Variants in FYN observed in about 807,000 individuals in gnomAD.
FYN encodes tyrosine-protein kinase Fyn.
Under a neutral mutation model 70.2 loss-of-function variants are expected in FYN, and 10 were observed. The observed-to-expected ratio is 0.14, with a 90% CI of 0.09 to 0.24. FYN has a LOEUF of 0.24. Ranked by LOEUF, FYN falls within the 10% of genes least tolerant of loss-of-function variation. The pLI is 1.00. For synonymous variants in FYN, 236 were observed against 248.6 expected, an observed-to-expected ratio of 0.95 and a Z score of 0.48; for missense variants, 319 against 673.1, an observed-to-expected ratio of 0.47 and a Z score of 5.82.
chr6:111,720,182 G>A, intron 3 of FYN, 120 bp from the exon 4 acceptor site: 1 of 1,179,532 alleles, frequency 8.5e-7, no homozygotes, highest in Non-Finnish European at 1.2e-6. Context: ...CCTATTAGGG[G>A]GCATGAGGAA....
At chr6:111,779,121 A>ATTTTTTTTTTTT (rs397934539) in intron 3 of FYN, among the ~76,000 whole-genome samples, 1 of 91,494 alleles carries the variant, frequency 1.1e-5, no homozygotes, top group African/African-American at 4.2e-5. Context: ...AGTAGGAGAC[A>ATTTTTTTTTTTT]TTTTTTTTTT....
chr6:111,863,404 C>T (rs1774018824), intron 1 of FYN, among the ~76,000 whole-genome samples: 1 of 152,264 alleles, frequency 6.6e-6, no homozygotes, highest in South Asian at 2.1e-4. Flanking sequence ...ATTGTTATTG[C>T]TTCTAAATAG....
At position 111,707,986 on chromosome 6, in the gene FYN, T is replaced by C. The variant is rs1459480269; in HGVS notation, c.379A>G (p.Thr127Ala). ...CTGGGAATGTAACCTGTCTCTCCAG[T>C]TGTCAAGGAGCGGGCTTCCCACCAA... ...GDWWEARSLTTGETGYIPSNY... is the reference protein window; with the variant it reads ...GDWWEARSLTAGETGYIPSNY... Residue 127 changes from threonine to alanine, a missense_variant, in exon 6 of 14, where the codon ACT becomes GCT. Coordinates refer to ENST00000354650, the MANE Select transcript of FYN (RefSeq NM_002037.5). 3 of 1,614,060 alleles carry C rather than the reference T, an allele frequency of 1.9e-6. No individual in the cohort carries two copies. In the Admixed American group the frequency reaches 5.0e-5, roughly 27 times the overall value.
At chr6:111,730,085 CCTT>C (rs952382018) in intron 3 of FYN, among the ~76,000 whole-genome samples, 2 of 152,126 alleles carry the variant, frequency 1.3e-5, no homozygotes, top group African/African-American at 4.8e-5. Context: ...AGAGGCAACT[CCTT>C]CTAGAAGGTG....
rs558697589 is a variant in FYN, at chr6:111,866,320, T to C, written c.-123+6648A>G. On this transcript the variant is annotated intron_variant, in intron 1 of 13. Transcript: ENST00000354650. ...GCTGGAAAGGGTCAAACCCGGACCCTACCCCAACCTCATGCTTTTGTTTTG... is the reference window on the plus strand; with the variant it reads ...GCTGGAAAGGGTCAAACCCGGACCCCACCCCAACCTCATGCTTTTGTTTTG... Among the ~76,000 whole-genome samples the C allele has an allele frequency of 4.6e-5, 7 of 152,258 alleles. No homozygotes were observed. The East Asian group carries it at 1.4e-3, about 29-fold the overall frequency.
At chr6:111,746,602 C>CT (rs1363315451) in intron 3 of FYN, among the ~76,000 whole-genome samples, 1 of 152,132 alleles carries the variant, frequency 6.6e-6, no homozygotes, top group African/African-American at 2.4e-5. Flanking sequence ...TACTTAGTAG[C>CT]TTTTTAACAG....
chr6:111,820,291 T>A (rs1433195786), intron 2 of FYN, among the ~76,000 whole-genome samples: 1 of 152,208 alleles, frequency 6.6e-6, no homozygotes, highest in East Asian at 1.9e-4. Flanking sequence ...GATATTTTTA[T>A]GAAGAATGAA....
chr6:111,770,226 C>T (rs557675203), intron 3 of FYN, among the ~76,000 whole-genome samples: 1 of 152,258 alleles, frequency 6.6e-6, no homozygotes, highest in African/African-American at 2.4e-5. Context: ...AATAATTTAA[C>T]ATACTGACTG....
At chr6:111,864,996 A>G (rs944046577) in intron 1 of FYN, among the ~76,000 whole-genome samples, 1 of 152,142 alleles carries the variant, frequency 6.6e-6, no homozygotes, top group South Asian at 2.1e-4. Flanking sequence ...TATTATTTCT[A>G]TGGTGTATTC....
intron 2 of FYN, among the ~76,000 whole-genome samples, chr6:111,837,674 T>C (rs986949362): frequency 9.9e-5 from 15 of 152,242 alleles, no homozygotes; most frequent in African/African-American, 3.4e-4. Context: ...TCACGGCACT[T>C]TGTGCCTCCA....
chr6:111,742,412 T>A (rs1802017250), intron 3 of FYN, among the ~76,000 whole-genome samples: 1 of 152,236 alleles, frequency 6.6e-6, no homozygotes, highest in Non-Finnish European at 1.5e-5. Flanking sequence ...TAAAAGCATA[T>A]ACACTGATAT....
At chr6:111,857,233 C>T (rs1400256741) in intron 1 of FYN, among the ~76,000 whole-genome samples, 4 of 152,168 alleles carry the variant, frequency 2.6e-5, no homozygotes, top group Non-Finnish European at 5.9e-5. Flanking sequence ...AAGGATCACA[C>T]ACAGTAAAAA....
intron 1 of FYN, among the ~76,000 whole-genome samples, chr6:111,860,969 G>C (rs113041037): frequency 3.2e-4 from 49 of 152,312 alleles, no homozygotes; most frequent in African/African-American, 1.1e-3. Context: ...TAGAAGTAGG[G>C]CTATTGCATT....
rs1382570386 is a variant in FYN, at chr6:111,794,080, G to C, written c.-81-13445C>G. 2.0e-5 allele frequency among the ~76,000 whole-genome samples: 3 copies of C among 152,192 alleles called. No homozygotes were observed. In the East Asian group the frequency reaches 5.8e-4, roughly 29 times the overall value. ...GCCCCTACCTGGGAGAAGATCCCGG[G>C]GCAGGGCCCCTGCCACTGAGCTGCT... is the stretch of plus-strand genomic sequence containing the variant. On this transcript the variant is annotated intron_variant, in intron 2 of 13. Transcript: ENST00000354650.
chr6:111,703,641 T>TA (rs1799941921), intron 7 of FYN, among the ~76,000 whole-genome samples: 1 of 152,102 alleles, frequency 6.6e-6, no homozygotes, highest in Non-Finnish European at 1.5e-5. Context: ...CTCAGTTATT[T>TA]AAAAAACAAA....
chr6:111,748,358 G>A (rs761564764), intron 3 of FYN, among the ~76,000 whole-genome samples: 3 of 152,220 alleles, frequency 2.0e-5, no homozygotes, highest in Non-Finnish European at 4.4e-5. Context: ...GGAATTAGAT[G>A]AAGACAGGAA....
intron 1 of FYN, among the ~76,000 whole-genome samples, chr6:111,851,461 A>G (rs557148420): frequency 6.6e-6 from 1 of 152,178 alleles, no homozygotes; most frequent in Non-Finnish European, 1.5e-5. Flanking sequence ...AGAGCACACA[A>G]CTTCTGACAG....
At chr6:111,819,047 T>G (rs547468441) in intron 2 of FYN, among the ~76,000 whole-genome samples, 27 of 152,144 alleles carry the variant, frequency 1.8e-4, no homozygotes, top group Admixed American at 3.3e-4. Context: ...GACCTGACAT[T>G]TAACACTGTC....
intron 5 of FYN, among the ~76,000 whole-genome samples, chr6:111,708,512 T>C (rs899369002): frequency 2.6e-5 from 4 of 152,074 alleles, no homozygotes; most frequent in South Asian, 2.1e-4. Flanking sequence ...ATCTTAACAT[T>C]GGGAGGTTAG....
Sources: gnomAD v4.1 joint callset for allele counts (sites outside exome capture counted in the v4.1 genomes callset) on GRCh38, gnomAD v4.1.1 for gene constraint, MANE v1.5 for transcripts, NCBI Gene and HGNC (gene_info 2026-07-23, HGNC 2026-07-21) for gene names.